The following ANO10 variants were observed in gnomAD, a reference collection of about 807,000 sequenced individuals.
The protein encoded by ANO10 is anoctamin-10.
In ANO10, 77 loss-of-function variants were observed where a neutral mutation model predicts 74.7. The ratio of observed to expected loss-of-function variants is 1.03; its 90% CI spans 0.86 to 1.25. ANO10 has a LOEUF of 1.25. ANO10 is among the 50% of genes most tolerant of loss of function. The pLI is 0.00. For synonymous variants in ANO10, 279 were observed against 284.9 expected (o/e 0.98, Z 0.21); for missense variants, 721 against 778.1 (o/e 0.93, Z 0.87).
chr3:43,616,413 C>T (rs999871776), intron 1 of ANO10, among the ~76,000 whole-genome samples: 3 of 152,062 alleles, frequency 2.0e-5, no homozygotes, highest in Admixed American at 6.6e-5. Context: ...CCATATTATG[C>T]CCTCATCATC....
chr3:43,404,042 T>G (rs2092531140), intron 12 of ANO10, among the ~76,000 whole-genome samples: 1 of 152,036 alleles, frequency 6.6e-6, no homozygotes, highest in African/African-American at 2.4e-5. Flanking sequence ...ATGACAAGGG[T>G]GAAGAGATGT....
At chr3:43,687,947 C>T (rs1297434540) in intron 1 of ANO10, among the ~76,000 whole-genome samples, 1 of 152,104 alleles carries the variant, frequency 6.6e-6, no homozygotes, top group Non-Finnish European at 1.5e-5. Context: ...TAGGGTTCCA[C>T]CATTGCTGGC....
At chr3:43,632,860 AT>A (rs1222553846) in intron 1 of ANO10, among the ~76,000 whole-genome samples, 1 of 152,232 alleles carries the variant, frequency 6.6e-6, no homozygotes, top group African/African-American at 2.4e-5. Context: ...AGATGTGAAC[AT>A]TTAGCTTCTA....
intron 1 of ANO10, among the ~76,000 whole-genome samples, chr3:43,607,558 G>T (rs2149500705): frequency 1.3e-5 from 2 of 152,158 alleles, no homozygotes; most frequent in South Asian, 4.1e-4. Context: ...ACTTTGAACT[G>T]GGATCTGAAA....
chr3:43,642,554 C>CT (rs200539979), intron 1 of ANO10, among the ~76,000 whole-genome samples: 1 of 151,988 alleles, frequency 6.6e-6, no homozygotes, highest in Non-Finnish European at 1.5e-5. Flanking sequence ...TTACTTTTGT[C>CT]TTTTTTATTT....
intron 12 of ANO10, among the ~76,000 whole-genome samples, chr3:43,398,542 T>A (rs1303222621): frequency 1.3e-5 from 2 of 152,240 alleles, no homozygotes; most frequent in Non-Finnish European, 2.9e-5. Flanking sequence ...GAGTTTGATA[T>A]TTATTCTTTA....
chr3:43,592,254 T>A (rs2081816337), intron 4 of ANO10, among the ~76,000 whole-genome samples: 3 of 152,160 alleles, frequency 2.0e-5, no homozygotes, highest in Admixed American at 1.3e-4. Context: ...GAGTAGTGGT[T>A]CTCCCAGCAC....
chr3:43,562,585 G>T (rs1288515280), intron 8 of ANO10, among the ~76,000 whole-genome samples: 1 of 151,772 alleles, frequency 6.6e-6, no homozygotes, highest in Non-Finnish European at 1.5e-5. Context: ...GGAGGCTGAG[G>T]TACAAGAAAC....
rs571674890 is a variant in ANO10, at chr3:43,591,279, G to T, written c.472+7253C>A. Reference sequence around the variant, plus strand: ...GGGTGTCCGCTGCGCTTCTGGTCCAGTGAGGCACCCATTGCCACTCCCAAT... The same window carrying T: ...GGGTGTCCGCTGCGCTTCTGGTCCATTGAGGCACCCATTGCCACTCCCAAT... On this transcript the variant is annotated intron_variant, in intron 4 of 12. Coordinates refer to ENST00000292246, the MANE Select transcript of ANO10 (RefSeq NM_018075.5). 2.0e-5 allele frequency among the ~76,000 whole-genome samples: 3 copies of T among 152,308 alleles called. No homozygotes were observed. The East Asian group carries it at 5.8e-4, about 29-fold the overall frequency.
intron 12 of ANO10, chr3:43,372,642 T>A: frequency 1.9e-6 from 1 of 525,068 alleles, no homozygotes. Context: ...CCCATCCCTC[T>A]ATTTCAATTG....
At chr3:43,522,701 T>C (rs962850448) in intron 11 of ANO10, among the ~76,000 whole-genome samples, 3 of 152,176 alleles carry the variant, frequency 2.0e-5, no homozygotes, top group Admixed American at 6.5e-5. Flanking sequence ...GGTTATCAGG[T>C]AGTTCACGTA....
At chr3:43,647,854 T>C (rs991301262) in intron 1 of ANO10, among the ~76,000 whole-genome samples, 3 of 152,180 alleles carry the variant, frequency 2.0e-5, no homozygotes, top group African/African-American at 7.2e-5. Context: ...GGGGTAACAA[T>C]AGCTCAGAAT....
At chr3:43,433,655 A>G (rs2093025291) in intron 11 of ANO10, among the ~76,000 whole-genome samples, 1 of 152,236 alleles carries the variant, frequency 6.6e-6, no homozygotes, top group Non-Finnish European at 1.5e-5. Context: ...AGCATCATAA[A>G]GAAGTCCTCT....
At chr3:43,579,197 C>T (rs1389381649) in intron 5 of ANO10, among the ~76,000 whole-genome samples, 1 of 151,940 alleles carries the variant, frequency 6.6e-6, no homozygotes, top group Non-Finnish European at 1.5e-5. Flanking sequence ...TAAATAATGT[C>T]CAGCACATAC....
At chr3:43,662,357 A>G (rs781298829) in intron 1 of ANO10, among the ~76,000 whole-genome samples, 9 of 152,230 alleles carry the variant, frequency 5.9e-5, no homozygotes, top group Admixed American at 1.3e-4. Context: ...TTTGAAACCA[A>G]TGAGAACAAA....
intron 7 of ANO10, among the ~76,000 whole-genome samples, chr3:43,566,007 G>A (rs541078986): frequency 6.6e-6 from 1 of 152,312 alleles, no homozygotes; most frequent in South Asian, 2.1e-4. Flanking sequence ...GCAGGGCAAG[G>A]CATTGCCTCC....
chr3:43,482,855 G>A (rs1394500070), intron 11 of ANO10, among the ~76,000 whole-genome samples: 1 of 152,152 alleles, frequency 6.6e-6, no homozygotes, highest in Non-Finnish European at 1.5e-5. Context: ...GCAGGGTACA[G>A]GGCAGGGTAC....
intron 11 of ANO10, among the ~76,000 whole-genome samples, chr3:43,483,399 G>C (rs950740457): frequency 2.0e-5 from 3 of 152,224 alleles, no homozygotes; most frequent in African/African-American, 4.8e-5. Flanking sequence ...CATCAGAGGA[G>C]CCAAGCTGCT....
chr3:43,657,115 A>C (rs899653224), intron 1 of ANO10, among the ~76,000 whole-genome samples: 1 of 152,264 alleles, frequency 6.6e-6, no homozygotes, highest in Non-Finnish European at 1.5e-5. Flanking sequence ...CACATGAAGA[A>C]ATGTGACAAT....
Sources: allele counts gnomAD v4.1 joint callset (sites outside exome capture counted in the v4.1 genomes callset), GRCh38; gene constraint gnomAD v4.1.1; transcripts MANE v1.5; gene names NCBI Gene and HGNC (gene_info 2026-07-23, HGNC 2026-07-21).